AP3D1: variants seen among roughly 807,000 people sequenced by gnomAD.
The protein encoded by AP3D1 is adaptor related protein complex 3 subunit delta 1.
A neutral mutation model predicts 147.6 loss-of-function variants in AP3D1; 51 were observed. That is an observed-to-expected ratio of 0.35 (90% CI 0.28 to 0.44). The LOEUF (loss-of-function observed/expected upper bound fraction) is 0.44, where lower values mean the gene tolerates loss of function less well. AP3D1 is among the 20% of genes least tolerant of loss of function. The pLI is 1.00. For synonymous variants in AP3D1, 760 were observed against 663.0 expected (o/e 1.15, Z -2.25); for missense variants, 1,421 against 1,624.2 (o/e 0.87, Z 2.15).
rs75824211 is a variant in AP3D1 at position 2,130,409 on chromosome 19, G to A, written c.591C>T (p.Pro197=). ...GAGGCTTAACTCAAATCCACAAACC[G>A]GGGTCGGGGTCCTCCAGCTTCTCCT... ...RLKEKLEDPD[P]GVQSAAVNVI... The change falls in exon 6 of 32, where the codon CCC becomes CCT. Residue 197 remains proline (P), a splice_region_variant and synonymous_variant. Transcript: ENST00000643116. 494 of 1,613,888 alleles carry A rather than the reference G, an allele frequency of 3.1e-4. 1 individual carries two copies. The African/African-American group carries it at 5.8e-3, about 19-fold the overall frequency.
At chr19:2,130,642 A>C in intron 5 of AP3D1, 105 bp from the exon 6 acceptor site, 1 of 1,529,086 alleles carries the variant, frequency 6.5e-7, no homozygotes. Context: ...CTCCAGCCCG[A>C]CGCTGTGGCT....
intron 14 of AP3D1, among the ~76,000 whole-genome samples, chr19:2,119,613 G>T (rs886477764): frequency 6.7e-6 from 1 of 149,458 alleles, no homozygotes; most frequent in African/African-American, 2.5e-5. Context: ...GGAGAATGGC[G>T]TGAACCCAGG....
chr19:2,127,960 C>T lies in AP3D1; in HGVS notation c.807-759G>A, dbSNP rs186645019. Among the ~76,000 whole-genome samples, 22 of 152,358 alleles carry T rather than the reference C, an allele frequency of 1.4e-4. No individual in the cohort carries two copies. The East Asian group carries it at 2.9e-3, about 20-fold the overall frequency. ...CACGCGCCATAGCCTAGGAGTGTGGCGAGCTTCAGCAGTGAAGTCCGTGTG... is the reference window on the plus strand; with the variant it reads ...CACGCGCCATAGCCTAGGAGTGTGGTGAGCTTCAGCAGTGAAGTCCGTGTG... On this transcript the variant is annotated intron_variant, in intron 8 of 31. Transcript: ENST00000643116.
At chr19:2,109,384 C>T (rs893278449) in intron 29 of AP3D1, 177 bp from the exon 30 acceptor site, 2 of 786,280 alleles carry the variant, frequency 2.5e-6, no homozygotes, top group Non-Finnish European at 3.9e-6. Flanking sequence ...GAAGCCGTCA[C>T]ACCCAGAAAC....
At chr19:2,136,006 C>T (rs111801743) in intron 4 of AP3D1, among the ~76,000 whole-genome samples, 278 of 150,682 alleles carry the variant, frequency 1.8e-3, no homozygotes, top group Middle Eastern at 3.4e-3. Flanking sequence ...AGGCCCCTCC[C>T]GCTACACGGC....
rs1436348847 is a variant in AP3D1 at position 2,121,436 on chromosome 19, A to AG, written c.1102-126_1102-125insC. Reference sequence around the variant, plus strand: ...CAGGCGGACCCGGATTCACAGATCGATGCCAGGGAGGCAGCAGGCCCCTGC... The same window carrying AG: ...CAGGCGGACCCGGATTCACAGATCGAGTGCCAGGGAGGCAGCAGGCCCCTGC... On this transcript the variant is annotated intron_variant, in intron 12 of 31. Coordinates refer to ENST00000643116, the MANE Select transcript of AP3D1 (RefSeq NM_001261826.3). 7 of 1,300,130 alleles carry AG rather than the reference A, an allele frequency of 5.4e-6. No homozygotes were observed. In the African/African-American group the frequency reaches 1.0e-4, roughly 19 times the overall value. 80.5% of individuals were successfully genotyped at this position (1,300,130 alleles called of 1,614,324 possible).
chr19:2,121,064 G>A lies in AP3D1; in HGVS notation c.1279C>T (p.Arg427Trp), dbSNP rs372956453. Residue 427 changes from arginine (R) to tryptophan (W), a missense_variant, in exon 14 of 32, where the codon CGG (arginine) becomes TGG (tryptophan). Arg to Trp is a moderately radical substitution (Grantham distance 101). Coordinates refer to ENST00000643116, the MANE Select transcript of AP3D1 (RefSeq NM_001261826.3). ...WYISILVELT[R>W]LEGTRHGHLI... is the part of the protein sequence containing the mutation. The stretch of plus-strand genomic sequence containing the variant: ...TGGCCGTGCCGTGTGCCCTCCAGCC[G>A]GGTCAGCTCCACCAGGATGCTGATG... 15 of 1,613,384 alleles carry A rather than the reference G, an allele frequency of 9.3e-6. No individual in the cohort carries two copies. The African/African-American group carries it at 1.1e-4, about 11-fold the overall frequency.
intron 31 of AP3D1, among the ~76,000 whole-genome samples, chr19:2,102,554 C>A (rs989244183): frequency 4.0e-5 from 6 of 151,852 alleles, no homozygotes; most frequent in African/African-American, 1.5e-4. Context: ...GGGTGAAACC[C>A]CGTCTCTACT....
chr19:2,113,523 C>G, intron 22 of AP3D1, 110 bp from the exon 23 acceptor site: 2 of 596,292 alleles, frequency 3.4e-6, no homozygotes, highest in Non-Finnish European at 5.5e-6. Context: ...CCCCCAGGGT[C>G]CTGGACTAGC....
intron 31 of AP3D1, among the ~76,000 whole-genome samples, chr19:2,107,567 T>C (rs1378978238): frequency 2.0e-5 from 3 of 151,564 alleles, no homozygotes; most frequent in Non-Finnish European, 2.9e-5. Context: ...GGTGAAACCC[T>C]GTCTCTACTA....
chr19:2,145,914 A>G (rs960402351), intron 1 of AP3D1, among the ~76,000 whole-genome samples: 3 of 152,236 alleles, frequency 2.0e-5, no homozygotes, highest in Admixed American at 6.5e-5. Context: ...CCGCACTCAT[A>G]AGCAGGGCAG....
At chr19:2,108,463 G>C (rs1313875609) in intron 31 of AP3D1, among the ~76,000 whole-genome samples, 4 of 152,354 alleles carry the variant, frequency 2.6e-5, no homozygotes, top group African/African-American at 9.6e-5. Context: ...CCATGTGTCA[G>C]CCTGCGGTGA....
chr19:2,126,875 C>T (rs1053442524), intron 9 of AP3D1, among the ~76,000 whole-genome samples: 1 of 152,076 alleles, frequency 6.6e-6, no homozygotes, highest in Non-Finnish European at 1.5e-5. Flanking sequence ...ATCTTTCATA[C>T]CCAAGGGGAC....
chr19:2,139,939 G>C (rs1405861867), intron 1 of AP3D1, among the ~76,000 whole-genome samples: 1 of 152,200 alleles, frequency 6.6e-6, no homozygotes, highest in Non-Finnish European at 1.5e-5. Context: ...CACCGGGCTG[G>C]GGAAGGAGAC....
intron 1 of AP3D1, among the ~76,000 whole-genome samples, chr19:2,161,155 G>GT (rs58654241): frequency 0.016 from 2,003 of 125,308 alleles, 35 homozygotes; most frequent in South Asian, 0.023. Context: ...GCTTCTCCTA[G>GT]TTTTTTTTTT....
chr19:2,121,393 G>C, intron 12 of AP3D1, 82 bp from the exon 13 acceptor site: 1 of 1,519,086 alleles, frequency 6.6e-7, no homozygotes, highest in South Asian at 1.2e-5. Context: ...CTGCTCCTGA[G>C]ACAGAATCCA....
intron 1 of AP3D1, among the ~76,000 whole-genome samples, chr19:2,141,900 C>A (rs1417580090): frequency 6.6e-6 from 1 of 151,022 alleles, no homozygotes; most frequent in African/African-American, 2.4e-5. Flanking sequence ...CAGGGCCATG[C>A]CACCATATTG....
At chr19:2,143,028 T>A (rs1476238738) in intron 1 of AP3D1, among the ~76,000 whole-genome samples, 1 of 151,780 alleles carries the variant, frequency 6.6e-6, no homozygotes, top group African/African-American at 2.4e-5. Context: ...CCTCCCAAAG[T>A]GCGGGGATTA....
At chr19:2,140,412 C>T (rs866340968) in intron 1 of AP3D1, among the ~76,000 whole-genome samples, 51 of 152,168 alleles carry the variant, frequency 3.4e-4, no homozygotes, top group African/African-American at 1.2e-3. Flanking sequence ...ACAGGAACAG[C>T]CCCCACGCTC....
Sources: allele counts gnomAD v4.1 joint callset (sites outside exome capture counted in the v4.1 genomes callset), GRCh38; gene constraint gnomAD v4.1.1; transcripts MANE v1.5; gene names NCBI Gene and HGNC (gene_info 2026-07-23, HGNC 2026-07-21).